The following CALD1 variants were observed in gnomAD, a reference collection of about 807,000 sequenced individuals.
The protein encoded by CALD1 is caldesmon 1.
A neutral mutation model predicts 99.9 loss-of-function variants in CALD1; 33 were observed. The ratio of observed to expected loss-of-function variants is 0.33; its 90% confidence interval spans 0.25 to 0.44. The LOEUF (loss-of-function observed/expected upper bound fraction) is 0.44. Among genes scored for constraint, CALD1 ranks in the 20% least tolerant of loss-of-function variants. The pLI is 1.00. For missense variants in CALD1, 861 were observed against 962.1 expected (o/e 0.89, Z 1.39); for synonymous variants, 310 against 325.0 (o/e 0.95, Z 0.50).
chr7:134,812,032 C>T (rs1468026350), intron 1 of CALD1, among the ~76,000 whole-genome samples: 1 of 152,144 alleles, frequency 6.6e-6, no homozygotes, highest in Non-Finnish European at 1.5e-5. Flanking sequence ...AATATCCACT[C>T]GGCATCTTGG....
chr7:134,920,714 C>G lies in CALD1; in HGVS notation c.72-8040C>G, dbSNP rs759295695. On this transcript the variant is annotated intron_variant, in intron 3 of 14. Coordinates refer to ENST00000361675, the MANE Select transcript of CALD1 (RefSeq NM_033138.4). ...ATCTTGGGGACCGGTCAACTGTCTA[C>G]TGGCCAGTAAGTTACTATGAATTCA... is the stretch of plus-strand genomic sequence containing the variant. The G allele has an allele frequency of 1.8e-5, 23 of 1,278,852 alleles. 1 individual carries two copies. In the South Asian group the frequency reaches 2.7e-4, roughly 15 times the overall value. 79.2% of individuals were successfully genotyped at this position (1,278,852 alleles called of 1,614,324 possible).
At chr7:134,793,314 C>T (rs1240613349) in intron 1 of CALD1, among the ~76,000 whole-genome samples, 1 of 152,222 alleles carries the variant, frequency 6.6e-6, no homozygotes, top group Non-Finnish European at 1.5e-5. Context: ...TTGAAGCCTA[C>T]ACATATTTGC....
intron 1 of CALD1, among the ~76,000 whole-genome samples, chr7:134,756,931 G>A (rs779120333): frequency 3.8e-4 from 58 of 152,262 alleles, no homozygotes; most frequent in Admixed American, 1.1e-3. Flanking sequence ...TGAAAGTAGC[G>A]CTATGCGTAA....
At chr7:134,962,788 TA>T (rs760323230) in intron 13 of CALD1, 23 of 445,216 alleles carry the variant, frequency 5.2e-5, no homozygotes, top group South Asian at 9.6e-5. Context: ...TCTTTTTGTT[TA>T]AAAAAAAACA....
intron 1 of CALD1, among the ~76,000 whole-genome samples, chr7:134,821,833 G>A (rs761875191): frequency 1.3e-5 from 2 of 151,860 alleles, no homozygotes; most frequent in African/African-American, 4.8e-5. Flanking sequence ...TGCCCACCTC[G>A]GCCTCCCAAA....
chr7:134,781,449 T>C (rs1338781359), intron 1 of CALD1, among the ~76,000 whole-genome samples: 1 of 152,146 alleles, frequency 6.6e-6, no homozygotes, highest in Admixed American at 6.5e-5. Flanking sequence ...CTCATTTTTT[T>C]CCAAGTAACA....
At chr7:134,853,655 A>T (rs1800171822) in intron 2 of CALD1, among the ~76,000 whole-genome samples, 1 of 152,238 alleles carries the variant, frequency 6.6e-6, no homozygotes, top group South Asian at 2.1e-4. Flanking sequence ...TATATGCTAC[A>T]CTAAGCAAGG....
intron 1 of CALD1, among the ~76,000 whole-genome samples, chr7:134,767,224 T>TGTGTGTGC (rs896456530): frequency 3.4e-5 from 5 of 147,914 alleles, no homozygotes; most frequent in African/African-American, 1.0e-4. Context: ...TGTGTGTGTG[T>TGTGTGTGC]GCGTGTGTGA....
chr7:134,746,709 A>G (rs1320900178), intron 1 of CALD1, among the ~76,000 whole-genome samples: 2 of 152,264 alleles, frequency 1.3e-5, no homozygotes, highest in Non-Finnish European at 2.9e-5. Context: ...AAATGTTAGT[A>G]GAAATATGAA....
At chr7:134,772,483 A>G (rs1796885174) in intron 1 of CALD1, among the ~76,000 whole-genome samples, 1 of 152,200 alleles carries the variant, frequency 6.6e-6, no homozygotes, top group South Asian at 2.1e-4. Context: ...GACATTATCT[A>G]TGATTTCTTG....
rs891938666 is a variant in CALD1 at position 134,887,798 on chromosome 7, G to A, written c.71+19994G>A. Among the ~76,000 whole-genome samples the A allele has an allele frequency of 6.3e-5, 9 of 142,112 alleles. 1 individual carries two copies. Among genetic ancestry groups the A allele is most frequent in the African/African-American group, 2.3e-4 (8 of 35,156 alleles). 93.2% of individuals were successfully genotyped at this position (142,112 alleles called of 152,430 possible). On this transcript the variant is annotated intron_variant, in intron 3 of 14. Coordinates refer to ENST00000361675, the MANE Select transcript of CALD1 (RefSeq NM_033138.4). ...TATGTGTGTGCATGTGTATGTGTGCGCATGTGTATGTGTGTGCATGTGTGC... is the reference window on the plus strand; with the variant it reads ...TATGTGTGTGCATGTGTATGTGTGCACATGTGTATGTGTGTGCATGTGTGC...
At chr7:134,905,595 A>G (rs2132646566) in intron 3 of CALD1, among the ~76,000 whole-genome samples, 1 of 152,188 alleles carries the variant, frequency 6.6e-6, no homozygotes, top group East Asian at 1.9e-4. Flanking sequence ...GAGTGGGTGA[A>G]TCTGGCAGCA....
chr7:134,859,051 G>A (rs6467563), intron 2 of CALD1, among the ~76,000 whole-genome samples: 14,895 of 152,214 alleles, frequency 0.098, 817 homozygotes, highest in South Asian at 0.19. Flanking sequence ...AAATGACCTC[G>A]TGGCTGGTGG....
At position 134,960,592 on chromosome 7, in the gene CALD1, C is replaced by G; in HGVS notation, c.2259C>G (p.Thr753=). 1 of 1,613,446 alleles carries G rather than the reference C, an allele frequency of 6.2e-7. No homozygotes were observed. The highest frequency in any genetic ancestry group is 8.5e-7 in the Non-Finnish European group (1 of 1,179,488). ...SSRINEWLTK[T]PDGNKSPAPK... ...GCATCAATGAATGGCTAACTAAAAC[C>G]CCAGATGGAAACAAGTCACCTGCTC... Residue 753 remains threonine (T), a synonymous_variant, in exon 13 of 15, where the codon ACC becomes ACG. Transcript: ENST00000361675.
upstream of CALD1, among the ~76,000 whole-genome samples, chr7:134,740,058 A>T (rs753843576): frequency 6.6e-6 from 1 of 152,168 alleles, no homozygotes; most frequent in Admixed American, 6.5e-5. Context: ...GTGTAACTTC[A>T]TATCAGCAAG....
intron 3 of CALD1, among the ~76,000 whole-genome samples, chr7:134,915,291 G>A (rs1804124864): frequency 1.3e-5 from 2 of 152,228 alleles, no homozygotes; most frequent in South Asian, 4.1e-4. Context: ...GTTCCACGTG[G>A]ATCAGTCAGG....
intron 1 of CALD1, among the ~76,000 whole-genome samples, chr7:134,789,468 T>A (rs768253159): frequency 6.6e-6 from 1 of 152,124 alleles, no homozygotes; most frequent in Non-Finnish European, 1.5e-5. Context: ...AGAACTTGAG[T>A]TTGAATCTCA....
At chr7:134,834,866 A>G (rs1350887313) in intron 1 of CALD1, among the ~76,000 whole-genome samples, 1 of 152,222 alleles carries the variant, frequency 6.6e-6, no homozygotes, top group Non-Finnish European at 1.5e-5. Flanking sequence ...GACTGATCAG[A>G]GGAATTCCAC....
chr7:134,778,189 A>G (rs1796960034), upstream of CALD1, among the ~76,000 whole-genome samples: 1 of 152,176 alleles, frequency 6.6e-6, no homozygotes, highest in Non-Finnish European at 1.5e-5. Flanking sequence ...CAAAAAAGAG[A>G]TGAGTGTAGA....
Sources: gnomAD v4.1 joint callset for allele counts (sites outside exome capture counted in the v4.1 genomes callset) on GRCh38, gnomAD v4.1.1 for gene constraint, MANE v1.5 for transcripts, NCBI Gene and HGNC (gene_info 2026-07-23, HGNC 2026-07-21) for gene names.